The following SP140 variants were observed in gnomAD, a reference collection of about 807,000 sequenced individuals.
The protein encoded by SP140 is nuclear body protein SP140.
Under a neutral mutation model 125.0 loss-of-function variants are expected in SP140, and 81 were observed. The observed-to-expected ratio is 0.65, with a 90% confidence interval of 0.54 to 0.78. The LOEUF (loss-of-function observed/expected upper bound fraction) is 0.78. Among genes scored for constraint, SP140 ranks in the 30% least tolerant of loss-of-function variants. SP140 has a pLI of 0.00. For synonymous variants in SP140, 312 were observed against 354.0 expected (o/e 0.88, Z 1.33); for missense variants, 858 against 1,037.0 (o/e 0.83, Z 2.37).
chr2:230,252,588 G>T (rs1298670423), intron 10 of SP140, among the ~76,000 whole-genome samples: 1 of 152,180 alleles, frequency 6.6e-6, no homozygotes, highest in Non-Finnish European at 1.5e-5. Context: ...GGGAGACCAG[G>T]TGGGCAAGGT....
intron 1 of SP140, among the ~76,000 whole-genome samples, chr2:230,236,744 C>T (rs59268232): frequency 0.025 from 3,829 of 152,204 alleles, 157 homozygotes; most frequent in African/African-American, 0.088. Flanking sequence ...AATTAATTAC[C>T]ACAGTATCAT....
chr2:230,306,355 C>T (rs2058759797), intron 22 of SP140, among the ~76,000 whole-genome samples: 1 of 152,234 alleles, frequency 6.6e-6, no homozygotes, highest in African/African-American at 2.4e-5. Context: ...GCCACCTGCA[C>T]CTCATCCACA....
Position 230,248,963 on chromosome 2 carries a change from GA to G in SP140, c.972del (p.Glu325LysfsTer23). 6.2e-7 allele frequency: 1 copy of G among 1,607,460 alleles called. No individual in the cohort carries two copies. Among genetic ancestry groups the G allele is most frequent in the Admixed American group, 1.7e-5 (1 of 59,868 alleles). The stretch of plus-strand genomic sequence containing the variant: ...GGGCTCTGTCTACTACCAGGTGAAG[GA>G]GAAGGTAATTATGATTTAAGTTTTT... ...EKGLCLLPGE[G>X]EEGSDDCSEM... On this transcript the variant is annotated frameshift_variant, in exon 9 of 27. Transcript: ENST00000392045. LOFTEE classifies it high-confidence loss of function.
chr2:230,272,760 A>G (rs2054132175), intron 15 of SP140, among the ~76,000 whole-genome samples: 1 of 152,220 alleles, frequency 6.6e-6, no homozygotes, highest in Non-Finnish European at 1.5e-5. Context: ...AGCCCAGTGG[A>G]ACAGAAAAGA....
intron 3 of SP140, 140 bp downstream of exon 3, chr2:230,238,521 A>T: frequency 1.2e-6 from 1 of 855,412 alleles, no homozygotes; most frequent in South Asian, 1.8e-5. Flanking sequence ...ATAATGATGA[A>T]AAAACACACA....
At chr2:230,259,163 T>G (rs1419695594) in intron 12 of SP140, among the ~76,000 whole-genome samples, 1 of 152,128 alleles carries the variant, frequency 6.6e-6, no homozygotes, top group Non-Finnish European at 1.5e-5. Context: ...GTAAGTTCTT[T>G]AGTGGTGATT....
chr2:230,233,069 T>C (rs917255192), intron 1 of SP140, among the ~76,000 whole-genome samples: 1 of 152,166 alleles, frequency 6.6e-6, no homozygotes, highest in African/African-American at 2.4e-5. Flanking sequence ...AAATATCTTG[T>C]TGCTTATGGA....
chr2:230,258,474 C>T (rs1389377029), intron 12 of SP140, among the ~76,000 whole-genome samples: 1 of 152,228 alleles, frequency 6.6e-6, no homozygotes, highest in Non-Finnish European at 1.5e-5. Context: ...ACCAGCCACC[C>T]TTGTGGCTGC....
Position 230,241,416 on chromosome 2 carries a change from A to G in SP140, c.419A>G (p.His140Arg), listed in dbSNP as rs2048712742. 1 of 1,593,402 alleles carries G rather than the reference A, an allele frequency of 6.3e-7. No homozygotes were observed. The highest frequency in any genetic ancestry group is 1.7e-4 in the Middle Eastern group (1 of 6,030). Residue 140 changes from histidine (H) to arginine (R), a missense_variant, in exon 4 of 27, where the codon CAC becomes CGC. This residue lies in a region of SP140 where 791 missense variants were observed against 869.5 expected (regional missense o/e 0.91). Coordinates refer to ENST00000392045, the MANE Select transcript of SP140 (RefSeq NM_007237.5). The part of the protein sequence containing the change: ...YRSFQNVCYE[H>R]SPLQMNNVND... ...TTGTTTTCCTCAGTATGCTATGAAC[A>G]CTCACCTCTCCAAATGAATAATGTA...
intron 3 of SP140, chr2:230,238,638 A>G (rs1243580555): frequency 9.1e-6 from 8 of 876,848 alleles, no homozygotes; most frequent in African/African-American, 8.5e-5. Context: ...GCTGTAAAAC[A>G]TAGGGTTGAA....
chr2:230,286,850 T>G (rs898787590), intron 17 of SP140, among the ~76,000 whole-genome samples: 1 of 152,152 alleles, frequency 6.6e-6, no homozygotes. Flanking sequence ...TGATTGGTCC[T>G]TTTTACTTTG....
intron 3 of SP140, chr2:230,238,697 AG>A: frequency 1.6e-6 from 2 of 1,263,058 alleles, no homozygotes; most frequent in Non-Finnish European, 2.3e-6. Context: ...TTCATGGGAA[AG>A]GAGGAAGCCT....
At position 230,208,078 on chromosome 2, in the gene SP140, GT is replaced by G; in HGVS notation, c.-323+4803del. ...TTCTTTCCTAAAAAGAAAGGATAAT[GT>G]TTTATAGTTACAAACATTGATCTCC... On this transcript the variant is annotated intron_variant, in intron 1 of 4. Coordinates refer to the SP140 transcript ENST00000456542. 1 of 1,344,228 alleles carries G rather than the reference GT, an allele frequency of 7.4e-7. No individual in the cohort carries two copies. Among genetic ancestry groups the G allele is most frequent in the Non-Finnish European group, 1.1e-6 (1 of 939,326 alleles). The allele number at this position is 1,344,228 out of a possible 1,614,324, so 83.3% of individuals were successfully genotyped here. A position where few individuals can be genotyped will look rare whatever the true frequency, so the allele number is the denominator to read the frequency against.
chr2:230,243,495 A>C (rs2048996133), intron 4 of SP140, among the ~76,000 whole-genome samples: 2 of 152,194 alleles, frequency 1.3e-5, no homozygotes, highest in Non-Finnish European at 2.9e-5. Context: ...GACATGAGTG[A>C]GAAAATGGGA....
intron 1 of SP140, among the ~76,000 whole-genome samples, chr2:230,207,735 C>G (rs780511018): frequency 1.3e-5 from 2 of 152,210 alleles, no homozygotes; most frequent in Non-Finnish European, 2.9e-5. Flanking sequence ...TCTCCACTGT[C>G]AGATCTGAAT....
chr2:230,238,090 G>A (rs2048234289), intron 2 of SP140, 123 bp from the exon 3 acceptor site: 1 of 655,222 alleles, frequency 1.5e-6, no homozygotes, highest in Admixed American at 3.1e-5. Context: ...CATTTAAGAA[G>A]TCATCCAAAT....
chr2:230,312,085 A>G (rs966473310), intron 26 of SP140, among the ~76,000 whole-genome samples: 1 of 152,220 alleles, frequency 6.6e-6, no homozygotes, highest in Non-Finnish European at 1.5e-5. Context: ...TGTTGAAAGA[A>G]CCTAGATTGC....
chr2:230,297,491 C>T (rs1559355847), intron 22 of SP140, 29 bp downstream of exon 22: 1 of 1,610,386 alleles, frequency 6.2e-7, no homozygotes. Context: ...CTACGACCCC[C>T]AGAATATTCC....
intron 12 of SP140, among the ~76,000 whole-genome samples, chr2:230,256,929 A>G (rs2051311800): frequency 6.6e-6 from 1 of 152,214 alleles, no homozygotes; most frequent in African/African-American, 2.4e-5. Context: ...TTTACTCACA[A>G]AAACCTCAAG....
Sources: gnomAD v4.1 joint callset for allele counts (sites outside exome capture counted in the v4.1 genomes callset) on GRCh38, gnomAD v4.1.1 for gene constraint, gnomAD v4.1.1 regional missense constraint, MANE v1.5 for transcripts, NCBI Gene and HGNC (gene_info 2026-07-23, HGNC 2026-07-21) for gene names.